VPS13C: variants seen among roughly 807,000 people sequenced by gnomAD.
VPS13C encodes intermembrane lipid transfer protein VPS13C.
Under a neutral mutation model 456.8 loss-of-function variants are expected in VPS13C, and 358 were observed. That is an observed-to-expected ratio of 0.78 (90% CI 0.72 to 0.86). The LOEUF is 0.86. Ranked by LOEUF, VPS13C falls within the 40% of genes least tolerant of loss-of-function variation. The probability of loss-of-function intolerance (pLI) is 0.00; values close to 1 mark genes in which losing one functional copy is unlikely to be tolerated. For synonymous variants in VPS13C, 1,578 were observed against 1,486.7 expected, an observed-to-expected ratio of 1.06 and a Z score of -1.41; for missense variants, 4,818 against 4,385.4, an observed-to-expected ratio of 1.10 and a Z score of -2.79.
chr15:61,984,787 G>C (rs920282000), intron 19 of VPS13C, 70 bp downstream of exon 19: 2 of 1,485,442 alleles, frequency 1.3e-6, no homozygotes, highest in Non-Finnish European at 1.8e-6. Flanking sequence ...TTTTAAACCT[G>C]AATAACACAC....
Position 61,857,694 on chromosome 15 carries a change from T to C in VPS13C, c.10953-1285A>G, listed in dbSNP as rs3743296. ...AGGGAGGTGGCAAAGAGAGTGGCAA[T>C]AGACAATCAAGGTAGGAAGTTACGG... On this transcript the variant is annotated intron_variant, in intron 82 of 84. Coordinates refer to ENST00000644861, the MANE Select transcript of VPS13C (RefSeq NM_020821.3). 5.7e-4 allele frequency among the ~76,000 whole-genome samples: 86 copies of C among 152,096 alleles called. No individual in the cohort carries two copies. The East Asian group carries it at 0.012, about 21-fold the overall frequency.
At chr15:61,932,035 C>A (rs192102811) in intron 49 of VPS13C, among the ~76,000 whole-genome samples, 1 of 152,248 alleles carries the variant, frequency 6.6e-6, no homozygotes, top group African/African-American at 2.4e-5. Flanking sequence ...AGGAACATCA[C>A]AAGAAGATGC....
At position 61,922,447 on chromosome 15, in the gene VPS13C, T is replaced by C. The variant is rs1181945377; in HGVS notation, c.6925A>G (p.Ile2309Val). The C allele has an allele frequency of 6.2e-7, 1 of 1,613,982 alleles. No individual in the cohort carries two copies. ...LLAESKFSGN[I>V]KNWTSLMAAV... ...GCCATTAGAGAAGTCCAATTTTTAATATTTCCTGAAAACTTAGACTCTGCC... is the reference window on the plus strand; with the variant it reads ...GCCATTAGAGAAGTCCAATTTTTAACATTTCCTGAAAACTTAGACTCTGCC... The change falls in exon 54 of 85, where the codon ATT (isoleucine) becomes GTT (valine). Residue 2309 changes from isoleucine to valine, a missense_variant. Ile to Val is a conservative substitution (Grantham distance 29, BLOSUM62 3). This residue lies in a region of VPS13C where 4,552 missense variants were observed against 4,130.6 expected (regional missense o/e 1.10). Coordinates refer to ENST00000644861, the MANE Select transcript of VPS13C (RefSeq NM_020821.3).
intron 48 of VPS13C, among the ~76,000 whole-genome samples, chr15:61,936,174 C>T (rs192902515): frequency 4.1e-4 from 63 of 152,162 alleles, no homozygotes; most frequent in African/African-American, 1.3e-3. Context: ...TGAAACATAA[C>T]GCTCCAATAA....
chr15:62,017,894 G>A (rs1008837915), intron 9 of VPS13C, among the ~76,000 whole-genome samples: 43 of 152,082 alleles, frequency 2.8e-4, no homozygotes, highest in Non-Finnish European at 5.4e-4. Flanking sequence ...CCATTTTCAC[G>A]ATATTGATTC....
rs1410438747 is a variant in VPS13C at position 61,964,737 on chromosome 15, G to A, written c.3176C>T (p.Ser1059Leu). Residue 1059 changes from serine to leucine, a missense_variant, in exon 31 of 85, where the codon TCA (serine) becomes TTA (leucine). By Grantham distance (145) the Ser-to-Leu change is moderately radical (BLOSUM62 -2). Transcript: ENST00000644861. The part of the protein sequence containing the change: ...SISVAKEVQI[S>L]TEKQQKNSTL... Reference sequence around the variant, plus strand: ...TGAATTTTTTTGTTGTTTTTCAGTTGAAATTTGTACCTCCTTAGCAACACT... The same window carrying A: ...TGAATTTTTTTGTTGTTTTTCAGTTAAAATTTGTACCTCCTTAGCAACACT... The A allele has an allele frequency of 1.9e-6, 3 of 1,607,422 alleles. No individual in the cohort carries two copies. In the South Asian group the frequency reaches 3.3e-5, roughly 18 times the overall value.
chr15:62,052,700 C>G (rs28583709), intron 1 of VPS13C, among the ~76,000 whole-genome samples: 10,213 of 147,032 alleles, frequency 0.069, 740 homozygotes, highest in African/African-American at 0.18. Flanking sequence ...AAAAAGAATA[C>G]CAAAGAAAAT....
chr15:61,950,860 G>A, intron 40 of VPS13C, 85 bp downstream of exon 40: 2 of 898,130 alleles, frequency 2.2e-6, no homozygotes, highest in South Asian at 2.2e-5. Flanking sequence ...AAAATGTTGG[G>A]AGAGAAAATG....
intron 15 of VPS13C, among the ~76,000 whole-genome samples, chr15:62,004,713 A>G (rs995265952): frequency 1.5e-4 from 23 of 151,124 alleles, no homozygotes; most frequent in African/African-American, 5.4e-4. Context: ...AGATTCTGGT[A>G]TGTTGTGTCT....
chr15:61,915,530 A>G, intron 61 of VPS13C, 103 bp downstream of exon 61: 1 of 1,234,174 alleles, frequency 8.1e-7, no homozygotes, highest in South Asian at 1.6e-5. Context: ...CACCAATGGC[A>G]TTTAGCAAAT....
chr15:62,053,014 G>T (rs1380266495), intron 1 of VPS13C, among the ~76,000 whole-genome samples: 2 of 152,134 alleles, frequency 1.3e-5, no homozygotes, highest in African/African-American at 4.8e-5. Context: ...CTCAGTTTTA[G>T]TTCTAGAAAA....
At chr15:61,983,566 A>T (rs1002571859) in intron 20 of VPS13C, 15 of 385,500 alleles carry the variant, frequency 3.9e-5, no homozygotes, top group Non-Finnish European at 6.4e-5. Context: ...AAGAATTTTT[A>T]AAAGTATATT....
intron 47 of VPS13C, among the ~76,000 whole-genome samples, chr15:61,939,506 C>T (rs571063133): frequency 2.0e-4 from 31 of 152,250 alleles, no homozygotes; most frequent in African/African-American, 7.2e-4. Flanking sequence ...GGTATGAAAA[C>T]CCATTAAACC....
intron 11 of VPS13C, 94 bp downstream of exon 11, chr15:62,012,945 T>C (rs2047097721): frequency 1.5e-6 from 1 of 686,674 alleles, no homozygotes; most frequent in East Asian, 2.9e-5. Flanking sequence ...GTTAAACAAA[T>C]GGCTGATATC....
chr15:61,874,971 A>T lies in VPS13C; in HGVS notation c.10339-20T>A, dbSNP rs749199908. 9 of 1,531,712 alleles carry T rather than the reference A, an allele frequency of 5.9e-6. No individual in the cohort carries two copies. Among genetic ancestry groups the T allele is most frequent in the African/African-American group, 1.4e-5 (1 of 71,202 alleles). The allele number at this position is 1,531,712 out of a possible 1,614,324, so 94.9% of individuals were successfully genotyped here. On this transcript the variant is annotated intron_variant, in intron 76 of 84. Coordinates refer to ENST00000644861, the MANE Select transcript of VPS13C (RefSeq NM_020821.3). ...AGCACCCTGGCAAAAAAAAATAAAA[A>T]ATAATCTTATTATTTAAAATTTAAG...
intron 6 of VPS13C, among the ~76,000 whole-genome samples, chr15:62,026,616 T>C (rs1347134229): frequency 1.3e-5 from 2 of 152,050 alleles, no homozygotes; most frequent in Non-Finnish European, 2.9e-5. Flanking sequence ...CCACTAAAAA[T>C]GGCTTTCCAG....
chr15:62,013,158 A>C (rs1483584189), intron 10 of VPS13C, 39 bp from the exon 11 acceptor site: 1 of 1,443,738 alleles, frequency 6.9e-7, no homozygotes. Context: ...CAATCAACAC[A>C]CTGAAATTAT....
chr15:61,909,024 A>G lies in VPS13C; in HGVS notation c.8946T>C (p.His2982=), dbSNP rs1566990498. Residue 2982 remains histidine, a synonymous_variant, in exon 65 of 85, where the codon CAT becomes CAC. Transcript: ENST00000644861. ...TGTATGTGAGGATGTCCCATGGTGT[A>G]TGGTTCATTATCAAGGCAGGTGCAG... ...EGSAPALIMN[H]TPWDILTYKQ... 6.2e-7 allele frequency: 1 copy of G among 1,613,908 alleles called. No homozygotes were observed. The highest frequency in any genetic ancestry group is 1.7e-5 in the Admixed American group (1 of 60,004).
intron 66 of VPS13C, among the ~76,000 whole-genome samples, chr15:61,906,264 A>G (rs1020297612): frequency 4.6e-5 from 7 of 152,126 alleles, no homozygotes; most frequent in African/African-American, 1.7e-4. Flanking sequence ...TTATAGCTCA[A>G]TTTTCAATAC....
Sources: gnomAD v4.1 joint callset for allele counts (sites outside exome capture counted in the v4.1 genomes callset) on GRCh38, gnomAD v4.1.1 for gene constraint, gnomAD v4.1.1 regional missense constraint, MANE v1.5 for transcripts, NCBI Gene and HGNC (gene_info 2026-07-23, HGNC 2026-07-21) for gene names.